The following SEMA6D variants were observed in gnomAD, a reference collection of about 807,000 sequenced individuals.
SEMA6D encodes semaphorin-6D.
Under a neutral mutation model 106.6 loss-of-function variants are expected in SEMA6D, and 35 were observed. The ratio of observed to expected loss-of-function variants is 0.33; its 90% confidence interval spans 0.25 to 0.44. The LOEUF is 0.44. Among genes scored for constraint, SEMA6D ranks in the 20% least tolerant of loss-of-function variants. The pLI, the probability that SEMA6D is intolerant of heterozygous loss-of-function variation, is 1.00. For missense variants in SEMA6D, 1,185 were observed against 1,345.9 expected, an observed-to-expected ratio of 0.88 and a Z score of 1.87; for synonymous variants, 499 against 487.7, an observed-to-expected ratio of 1.02 and a Z score of -0.31.
intron 1 of SEMA6D, among the ~76,000 whole-genome samples, chr15:47,732,388 A>AT (rs1271689541): frequency 6.6e-6 from 1 of 152,178 alleles, no homozygotes; most frequent in Non-Finnish European, 1.5e-5. Context: ...GGACTGGTAC[A>AT]TTCAAGGTGA....
intron 1 of SEMA6D, among the ~76,000 whole-genome samples, chr15:47,381,294 G>A (rs1046405731): frequency 2.6e-5 from 4 of 152,214 alleles, no homozygotes; most frequent in East Asian, 1.9e-4. Context: ...CATCATATTC[G>A]TGGCTTTGGC....
chr15:47,715,569 G>A (rs977037774), upstream of SEMA6D, among the ~76,000 whole-genome samples: 3 of 152,104 alleles, frequency 2.0e-5, no homozygotes, highest in Non-Finnish European at 2.9e-5. Context: ...TATAGGGATC[G>A]ACTCCGAAGT....
chr15:47,393,253 T>C (rs2040101738), intron 1 of SEMA6D: 1 of 151,862 alleles, frequency 6.6e-6, no homozygotes. Flanking sequence ...CTACAGAGAG[T>C]TTTCTTGGGC....
intron 1 of SEMA6D, among the ~76,000 whole-genome samples, chr15:47,297,329 T>G (rs932348008): frequency 6.6e-6 from 1 of 152,190 alleles, no homozygotes; most frequent in African/African-American, 2.4e-5. Flanking sequence ...TGCACAGGAT[T>G]TCAGAAACTC....
At chr15:47,686,402 G>C (rs1012661129) in intron 4 of SEMA6D, among the ~76,000 whole-genome samples, 1 of 152,072 alleles carries the variant, frequency 6.6e-6, no homozygotes, top group African/African-American at 2.4e-5. Flanking sequence ...CAATTTTGAC[G>C]AACTTCAAAA....
chr15:47,267,355 C>G (rs2034366094), intron 1 of SEMA6D, among the ~76,000 whole-genome samples: 1 of 151,018 alleles, frequency 6.6e-6, no homozygotes. Flanking sequence ...TTTTCCTGTA[C>G]CTTTTTTTCT....
At chr15:47,519,886 ATCG>A (rs1256064656) in intron 3 of SEMA6D, among the ~76,000 whole-genome samples, 1 of 152,224 alleles carries the variant, frequency 6.6e-6, no homozygotes, top group South Asian at 2.1e-4. Context: ...TGTTGTCATT[ATCG>A]TCATCATCAC....
intron 3 of SEMA6D, among the ~76,000 whole-genome samples, chr15:47,581,746 T>C (rs979859073): frequency 2.0e-5 from 3 of 152,200 alleles, no homozygotes; most frequent in Non-Finnish European, 4.4e-5. Context: ...ATAGGAATTT[T>C]AGATTAAGTG....
At chr15:47,200,257 T>A (rs1243985473) in intron 1 of SEMA6D, among the ~76,000 whole-genome samples, 1 of 152,168 alleles carries the variant, frequency 6.6e-6, no homozygotes, top group East Asian at 1.9e-4. Flanking sequence ...GAGTATCTGA[T>A]GTGCTGATCT....
At chr15:47,520,111 G>A (rs900500251) in intron 3 of SEMA6D, among the ~76,000 whole-genome samples, 2 of 152,092 alleles carry the variant, frequency 1.3e-5, no homozygotes, top group African/African-American at 4.8e-5. Context: ...TGTGTGTCTG[G>A]GCATGTGCAG....
chr15:47,501,475 G>C (rs1352961810), intron 3 of SEMA6D, among the ~76,000 whole-genome samples: 3 of 152,192 alleles, frequency 2.0e-5, no homozygotes, highest in African/African-American at 7.2e-5. Context: ...ATTTTCTCCA[G>C]TACCTTGTAA....
At chr15:47,431,297 A>T (rs1375493085) in intron 2 of SEMA6D, among the ~76,000 whole-genome samples, 1 of 152,168 alleles carries the variant, frequency 6.6e-6, no homozygotes, top group East Asian at 1.9e-4. Flanking sequence ...ATAATAAACC[A>T]AATAAAATAT....
chr15:47,190,964 G>A (rs980223905), intron 1 of SEMA6D, among the ~76,000 whole-genome samples: 1 of 152,122 alleles, frequency 6.6e-6, no homozygotes, highest in African/African-American at 2.4e-5. Flanking sequence ...GAGCCCAGGA[G>A]TTCCAAACCA....
chr15:47,562,560 A>C (rs79249935), intron 3 of SEMA6D, among the ~76,000 whole-genome samples: 3,088 of 152,192 alleles, frequency 0.02, 112 homozygotes, highest in African/African-American at 0.071. Context: ...TAGACATCAT[A>C]CCTAAAAAGA....
intron 1 of SEMA6D, among the ~76,000 whole-genome samples, chr15:47,237,716 C>T (rs1462726392): frequency 6.6e-6 from 1 of 152,008 alleles, no homozygotes; most frequent in Non-Finnish European, 1.5e-5. Flanking sequence ...TAGGACTCTA[C>T]ACCCCCTTTT....
intron 2 of SEMA6D, among the ~76,000 whole-genome samples, chr15:47,462,516 C>G (rs1197282288): frequency 6.6e-6 from 1 of 152,016 alleles, no homozygotes; most frequent in African/African-American, 2.4e-5. Context: ...GAATATTGAT[C>G]TGGAGTGATG....
At chr15:47,424,628 T>C (rs892095048) in intron 2 of SEMA6D, among the ~76,000 whole-genome samples, 6 of 152,054 alleles carry the variant, frequency 3.9e-5, no homozygotes, top group Non-Finnish European at 7.4e-5. Context: ...GCAAAGCAAG[T>C]GGTAGAGCGT....
intron 1 of SEMA6D, among the ~76,000 whole-genome samples, chr15:47,303,982 C>T (rs149054114): frequency 6.6e-6 from 1 of 152,172 alleles, no homozygotes; most frequent in Admixed American, 6.5e-5. Flanking sequence ...ACACGGATAA[C>T]TACATAGGTT....
At chr15:47,660,017 A>T (rs1411412253) in intron 4 of SEMA6D, among the ~76,000 whole-genome samples, 1 of 152,082 alleles carries the variant, frequency 6.6e-6, no homozygotes, top group Non-Finnish European at 1.5e-5. Flanking sequence ...ATCATTGTTT[A>T]ATCTCATAGG....
Sources: allele counts gnomAD v4.1 joint callset (sites outside exome capture counted in the v4.1 genomes callset), GRCh38; gene constraint gnomAD v4.1.1; transcripts MANE v1.5; gene names NCBI Gene and HGNC (gene_info 2026-07-23, HGNC 2026-07-21).